KCNMB2: variants seen among roughly 807,000 people sequenced by gnomAD.
KCNMB2 encodes calcium-activated potassium channel subunit beta-2.
A neutral mutation model predicts 24.5 loss-of-function variants in KCNMB2; 9 were observed. That is an observed-to-expected ratio of 0.37 (90% CI 0.22 to 0.64). The LOEUF (loss-of-function observed/expected upper bound fraction) is 0.64. Ranked by LOEUF, KCNMB2 falls within the 30% of genes least tolerant of loss-of-function variation. The pLI, the probability that KCNMB2 is intolerant of heterozygous loss-of-function variation, is 0.63. For synonymous variants in KCNMB2, 109 were observed against 104.4 expected (o/e 1.04, Z -0.27); for missense variants, 226 against 284.3 (o/e 0.79, Z 1.47).
intron 1 of KCNMB2, among the ~76,000 whole-genome samples, chr3:178,684,314 A>G (rs1452386074): frequency 8.3e-6 from 1 of 120,774 alleles, no homozygotes; most frequent in Admixed American, 1.0e-4. Flanking sequence ...AGAGATAGAG[A>G]ACAAAACAGT....
chr3:178,673,372 T>C (rs1267600519), intron 1 of KCNMB2, among the ~76,000 whole-genome samples: 1 of 152,138 alleles, frequency 6.6e-6, no homozygotes, highest in Non-Finnish European at 1.5e-5. Context: ...CTTCTATTCA[T>C]ATCTCATTAT....
intron 1 of KCNMB2, among the ~76,000 whole-genome samples, chr3:178,537,012 T>A (rs1715432189): frequency 6.6e-6 from 1 of 152,218 alleles, no homozygotes; most frequent in Non-Finnish European, 1.5e-5. Context: ...GCCTCTTACC[T>A]GTGGTGCCGG....
At chr3:178,768,180 C>G (rs1712201625) in intron 1 of KCNMB2, among the ~76,000 whole-genome samples, 1 of 152,168 alleles carries the variant, frequency 6.6e-6, no homozygotes, top group Non-Finnish European at 1.5e-5. Context: ...ATCTTGATGT[C>G]TGGGCCATCT....
At chr3:178,593,456 T>C (rs959181841) in intron 1 of KCNMB2, among the ~76,000 whole-genome samples, 1 of 152,016 alleles carries the variant, frequency 6.6e-6, no homozygotes, top group Admixed American at 6.6e-5. Flanking sequence ...GATTTGACTT[T>C]TATGAGTCCA....
rs541023566 is a variant in KCNMB2 at position 178,717,889 on chromosome 3, A to AC, written c.-67-89453dup. On this transcript the variant is annotated intron_variant, in intron 1 of 4. Transcript: ENST00000452583. ...TCAGAATTTTGTCAGTACTTTCTTT[A>AC]CAAAAAAAAAAAAGGCATCTTCACC... Among the ~76,000 whole-genome samples the AC allele has an allele frequency of 3.2e-3, 459 of 142,962 alleles. 3 individuals carry two copies. The highest frequency in any genetic ancestry group is 0.012 in the African/African-American group (436 of 36,834). 93.8% of individuals were successfully genotyped at this position (142,962 alleles called of 152,430 possible).
intron 1 of KCNMB2, among the ~76,000 whole-genome samples, chr3:178,699,907 G>A (rs1272497465): frequency 6.6e-6 from 1 of 152,174 alleles, no homozygotes; most frequent in Non-Finnish European, 1.5e-5. Context: ...GGGTTCTAGA[G>A]GCCTGTGGCA....
At chr3:178,611,756 T>G (rs7630341) in intron 1 of KCNMB2, among the ~76,000 whole-genome samples, 55,428 of 151,932 alleles carry the variant, frequency 0.36, 10,797 homozygotes, top group African/African-American at 0.51. Flanking sequence ...GCATTGATCT[T>G]TTATATTTTC....
intron 1 of KCNMB2, among the ~76,000 whole-genome samples, chr3:178,676,297 G>A (rs760227606): frequency 6.6e-6 from 1 of 152,182 alleles, no homozygotes; most frequent in Non-Finnish European, 1.5e-5. Context: ...AATGATAAAG[G>A]CTTCACTCCA....
At chr3:178,778,711 A>C (rs1712700004) in intron 1 of KCNMB2, among the ~76,000 whole-genome samples, 1 of 152,206 alleles carries the variant, frequency 6.6e-6, no homozygotes, top group African/African-American at 2.4e-5. Context: ...CCACTGGCTC[A>C]GGACTAGCCA....
Position 178,594,380 on chromosome 3 carries a change from A to G in KCNMB2, c.-68+57669A>G, listed in dbSNP as rs183922069. ...AACCTGAGCAAGAAATTAGTGTGGA[A>G]GCAGTGAAGATGGTGGGAAGTTGCC... is the stretch of plus-strand genomic sequence containing the variant. On this transcript the variant is annotated intron_variant, in intron 1 of 4. Transcript: ENST00000452583. Among the ~76,000 whole-genome samples, 188 of 152,226 alleles carry G rather than the reference A, an allele frequency of 1.2e-3. 1 individual carries two copies. Among genetic ancestry groups the G allele is most frequent in the African/African-American group, 4.5e-3 (186 of 41,542 alleles).
At chr3:178,666,179 C>T (rs1196617364) in intron 1 of KCNMB2, among the ~76,000 whole-genome samples, 1 of 152,096 alleles carries the variant, frequency 6.6e-6, no homozygotes, top group African/African-American at 2.4e-5. Flanking sequence ...TAGACACCAG[C>T]ATGGTTCACT....
intron 1 of KCNMB2, among the ~76,000 whole-genome samples, chr3:178,758,519 A>T (rs1724317031): frequency 5.0e-5 from 2 of 40,132 alleles, no homozygotes; most frequent in Admixed American, 3.4e-4. Context: ...TATCTCCAAG[A>T]GGAGATGTAT....
chr3:178,705,630 T>C (rs1328930111), intron 1 of KCNMB2, among the ~76,000 whole-genome samples: 4 of 152,222 alleles, frequency 2.6e-5, no homozygotes, highest in Middle Eastern at 3.2e-3. Context: ...AGGGTTATGA[T>C]GTTTGCACTT....
chr3:178,760,105 TATATCCA>T lies in KCNMB2; in HGVS notation c.-67-47236_-67-47230del, dbSNP rs1711738688. On this transcript the variant is annotated intron_variant, in intron 1 of 4. Coordinates refer to ENST00000452583, the MANE Select transcript of KCNMB2 (RefSeq NM_181361.3). The stretch of plus-strand genomic sequence containing the variant: ...AAGAGGATATATCTATATATATATA[TATATCCA>T]AGAGGATATATCTATATATATATAT... Among the ~76,000 whole-genome samples the T allele has an allele frequency of 6.7e-5, 3 of 44,792 alleles. 1 individual carries two copies. The East Asian group carries it at 1.4e-3, about 20-fold the overall frequency. 29.4% of individuals were successfully genotyped at this position (44,792 alleles called of 152,430 possible). A position where few individuals can be genotyped will look rare whatever the true frequency, so the allele number is the denominator to read the frequency against.
intron 1 of KCNMB2, among the ~76,000 whole-genome samples, chr3:178,676,142 C>T (rs1327189506): frequency 6.6e-6 from 1 of 152,080 alleles, no homozygotes; most frequent in Non-Finnish European, 1.5e-5. Context: ...AGAGAAAGCA[C>T]CCAGGCCTGG....
intron 1 of KCNMB2, among the ~76,000 whole-genome samples, chr3:178,663,170 G>A (rs1302191979): frequency 2.0e-5 from 3 of 152,060 alleles, no homozygotes; most frequent in African/African-American, 7.2e-5. Flanking sequence ...GGGTTCCCAG[G>A]AAGGAGTAAG....
chr3:178,631,889 A>G lies in KCNMB2; in HGVS notation c.-68+95178A>G, dbSNP rs377164635. Among the ~76,000 whole-genome samples, 43 of 152,358 alleles carry G rather than the reference A, an allele frequency of 2.8e-4. 1 individual carries two copies. In the South Asian group the frequency reaches 8.7e-3, roughly 31 times the overall value. On this transcript the variant is annotated intron_variant, in intron 1 of 4. Coordinates refer to ENST00000452583, the MANE Select transcript of KCNMB2 (RefSeq NM_181361.3). ...ACCAGATGTTAATTCTCACATGGAG[A>G]AAACAGCTATTCTAGCCACAGCTTC...
chr3:178,559,469 G>A (rs557881793), intron 1 of KCNMB2, among the ~76,000 whole-genome samples: 9 of 151,394 alleles, frequency 5.9e-5, no homozygotes, highest in Non-Finnish European at 1.2e-4. Flanking sequence ...GTCTAGACAC[G>A]CAAACTGAGT....
chr3:178,641,477 A>G (rs1370703779), intron 1 of KCNMB2, among the ~76,000 whole-genome samples: 1 of 152,032 alleles, frequency 6.6e-6, no homozygotes, highest in Non-Finnish European at 1.5e-5. Flanking sequence ...CCATTTGTTT[A>G]TTGCTAGTAA....
Sources: gnomAD v4.1 joint callset for allele counts (sites outside exome capture counted in the v4.1 genomes callset) on GRCh38, gnomAD v4.1.1 for gene constraint, MANE v1.5 for transcripts, NCBI Gene and HGNC (gene_info 2026-07-23, HGNC 2026-07-21) for gene names.